MIER3: variants seen among roughly 807,000 people sequenced by gnomAD.
The protein encoded by MIER3 is MIER family member 3, also known as mesoderm induction early response protein 3.
Under a neutral mutation model 63.2 loss-of-function variants are expected in MIER3, and 9 were observed. That is an observed-to-expected ratio of 0.14 (90% CI 0.09 to 0.25). The LOEUF is 0.25. MIER3 is among the 10% of genes least tolerant of loss of function. MIER3 has a pLI of 1.00. For missense variants in MIER3, 512 were observed against 666.2 expected (o/e 0.77, Z 2.55); for synonymous variants, 205 against 224.9 (o/e 0.91, Z 0.79).
At chr5:56,938,520 T>C (rs1436196727) in intron 4 of MIER3, among the ~76,000 whole-genome samples, 1 of 152,194 alleles carries the variant, frequency 6.6e-6, no homozygotes, top group Non-Finnish European at 1.5e-5. Flanking sequence ...CTCCAACCAC[T>C]CCACGCCTAA....
Position 56,923,780 on chromosome 5 carries a change from T to C in MIER3, c.1106A>G (p.Asn369Ser). 1.2e-6 allele frequency: 2 copies of C among 1,614,178 alleles called. No individual in the cohort carries two copies. The highest frequency in any genetic ancestry group is 2.2e-5 in the East Asian group (1 of 44,878). Residue 369 changes from asparagine to serine, a missense_variant, in exon 12 of 13, where the codon AAT becomes AGT. By Grantham distance (46) the Asn-to-Ser change is conservative. Transcript: ENST00000381199. ...CCGGTTAGAAGTTAAGGCTGAAGCA[T>C]TTACCGTCCCACCCAAAGCTTCTGT... ...DETEALGGTV[N>S]ASALTSNRPE...
At chr5:56,938,236 A>T (rs1040659840) in intron 4 of MIER3, 4 of 471,044 alleles carry the variant, frequency 8.5e-6, no homozygotes, top group African/African-American at 8.0e-5. Flanking sequence ...GACTATGGTC[A>T]TTAAGGTCTG....
chr5:56,932,511 C>G (rs2112104938), intron 8 of MIER3, among the ~76,000 whole-genome samples: 1 of 152,174 alleles, frequency 6.6e-6, no homozygotes, highest in East Asian at 1.9e-4. Flanking sequence ...CTTCAGAATT[C>G]AAGTTTGTGT....
Position 56,922,988 on chromosome 5 carries a change from A to C in MIER3, c.*140T>G. The C allele has an allele frequency of 1.5e-6, 1 of 656,120 alleles. No homozygotes were observed. The highest frequency in any genetic ancestry group is 2.0e-5 in the South Asian group (1 of 50,002). 40.6% of individuals were successfully genotyped at this position (656,120 alleles called of 1,614,324 possible). A position where few individuals can be genotyped will look rare whatever the true frequency, so the allele number is the denominator to read the frequency against. On this transcript the variant is annotated 3_prime_UTR_variant, in exon 13 of 13. Coordinates refer to ENST00000381199, the MANE Select transcript of MIER3 (RefSeq NM_001297599.2). ...AAAATGAAAATACTCTTGATAAATC[A>C]AGATATAGTTCTATACATACTGACA...
intron 10 of MIER3, among the ~76,000 whole-genome samples, chr5:56,924,443 TTTCA>T (rs1291230683): frequency 1.1e-4 from 17 of 152,264 alleles, no homozygotes; most frequent in Admixed American, 2.0e-4. Context: ...CATAAATGGA[TTTCA>T]TTGAGATCTA....
chr5:56,928,621 G>A lies in MIER3; in HGVS notation c.924+146C>T, dbSNP rs57383905. On this transcript the variant is annotated intron_variant, in intron 10 of 12. Coordinates refer to ENST00000381199, the MANE Select transcript of MIER3 (RefSeq NM_001297599.2). ...CATAAGCAGGCTGTGGCATCTCTGA[G>A]CAAATTAGTCATGTTAGAATGATAT... is the stretch of plus-strand genomic sequence containing the variant. 30 of 535,526 alleles carry A rather than the reference G, an allele frequency of 5.6e-5. No homozygotes were observed. In the East Asian group the frequency reaches 8.7e-4, roughly 16 times the overall value. The allele number at this position is 535,526 out of a possible 1,614,324, so 33.2% of individuals were successfully genotyped here. A position where few individuals can be genotyped will look rare whatever the true frequency, so the allele number is the denominator to read the frequency against.
In MIER3 at chr5:56,935,457, T is replaced by C; in HGVS notation, c.566A>G (p.Tyr189Cys). The part of the protein sequence containing the change: ...GLQYQAEIPP[Y>C]LGEYDGNEKV... ...CTCATTACCATCGTACTCTCCAAGA[T>C]AAGGGGGAATCTCTGCCTGATATTG... Residue 189 changes from tyrosine to cysteine, a missense_variant, in exon 7 of 13, where the codon TAT becomes TGT. Tyr to Cys is a radical substitution (Grantham distance 194, BLOSUM62 -2). Coordinates refer to ENST00000381199, the MANE Select transcript of MIER3 (RefSeq NM_001297599.2). 4.4e-6 allele frequency: 7 copies of C among 1,596,406 alleles called. No homozygotes were observed. Among genetic ancestry groups the C allele is most frequent in the Non-Finnish European group, 6.0e-6 (7 of 1,175,186 alleles).
intron 2 of MIER3, among the ~76,000 whole-genome samples, chr5:56,949,183 C>T (rs868070327): frequency 1.1e-4 from 16 of 152,192 alleles, no homozygotes; most frequent in Admixed American, 2.0e-4. Context: ...TGGTGAAACC[C>T]CATCTCTACT....
At chr5:56,948,596 G>C (rs1458065951) in intron 2 of MIER3, among the ~76,000 whole-genome samples, 1 of 151,942 alleles carries the variant, frequency 6.6e-6, no homozygotes, top group Non-Finnish European at 1.5e-5. Context: ...TTGAACCTGG[G>C]AGGTCGAGGC....
At chr5:56,939,542 C>A (rs1341757462) in intron 3 of MIER3, among the ~76,000 whole-genome samples, 1 of 152,126 alleles carries the variant, frequency 6.6e-6, no homozygotes, top group African/African-American at 2.4e-5. Flanking sequence ...TATCTTTATA[C>A]CAGTTTTTTT....
rs1749684404 is a variant in MIER3, at chr5:56,921,751, A to G, written c.*1377T>C. ...GTTTTTTGCAAAGCAACTAGTAAAA[A>G]TCAAGAATTTTAATTAAGACGGTGC... On this transcript the variant is annotated 3_prime_UTR_variant, in exon 13 of 13. Transcript: ENST00000381199. 6.6e-6 allele frequency: 1 copy of G among 152,654 alleles called. No homozygotes were observed. Among genetic ancestry groups the G allele is most frequent in the African/African-American group, 2.4e-5 (1 of 41,464 alleles). The allele number at this position is 152,654 out of a possible 1,614,324, so 9.5% of individuals were successfully genotyped here.
At position 56,952,084 on chromosome 5, in the gene MIER3, C is replaced by G; in HGVS notation, c.9+10G>C. ...CAGCCCGGCTGCTCCTGCCCGGTTT[C>G]CCTGCTCACCTCCGCCATATTGGTA... On this transcript the variant is annotated intron_variant, in intron 1 of 12. Coordinates refer to ENST00000381199, the MANE Select transcript of MIER3 (RefSeq NM_001297599.2). 7.7e-7 allele frequency: 1 copy of G among 1,302,894 alleles called. No homozygotes were observed. The highest frequency in any genetic ancestry group is 9.9e-7 in the Non-Finnish European group (1 of 1,008,008). The allele number at this position is 1,302,894 out of a possible 1,614,324, so 80.7% of individuals were successfully genotyped here. A position where few individuals can be genotyped will look rare whatever the true frequency, so the allele number is the denominator to read the frequency against.
intron 2 of MIER3, 50 bp downstream of exon 2, chr5:56,950,578 C>T: frequency 6.3e-7 from 1 of 1,596,102 alleles, no homozygotes; most frequent in South Asian, 1.1e-5. Flanking sequence ...GACCTTTGAG[C>T]CCACATTACC....
chr5:56,923,217 C>G lies in MIER3; in HGVS notation c.1564G>C (p.Ala522Pro), dbSNP rs554057814. 6 of 1,614,066 alleles carry G rather than the reference C, an allele frequency of 3.7e-6. No individual in the cohort carries two copies. Among genetic ancestry groups the G allele is most frequent in the Non-Finnish European group, 5.1e-6 (6 of 1,179,988 alleles). The stretch of plus-strand genomic sequence containing the variant: ...TTGGCAGAGAGACTGCCAAAGTCAG[C>G]CACAGAAACAGCCATTTTGGCACTG... ...ITSAKMAVSV[A>P]DFGSLSANET... The change falls in exon 13 of 13, where the codon GCT becomes CCT. Residue 522 changes from alanine to proline, a missense_variant. Ala to Pro is a conservative substitution (Grantham distance 27). Transcript: ENST00000381199.
At chr5:56,928,544 TC>T in intron 10 of MIER3, 1 of 342,298 alleles carries the variant, frequency 2.9e-6, no homozygotes, top group Non-Finnish European at 5.3e-6. Context: ...GAGTCCACTT[TC>T]TGTGTCAACT....
intron 1 of MIER3, 33 bp from the exon 2 acceptor site, chr5:56,950,685 T>C: frequency 2.5e-6 from 4 of 1,611,852 alleles, no homozygotes; most frequent in East Asian, 2.2e-5. Flanking sequence ...TGAGGTTAGA[T>C]CGCACAGCCA....
At chr5:56,951,512 G>A (rs1378452693) in intron 1 of MIER3, among the ~76,000 whole-genome samples, 1 of 152,158 alleles carries the variant, frequency 6.6e-6, no homozygotes, top group Non-Finnish European at 1.5e-5. Flanking sequence ...CCCGGGCTGC[G>A]GGGTGGGGAG....
rs1435084770 is a variant in MIER3 at position 56,947,181 on chromosome 5, T to G, written c.35-110A>C. 8 of 1,048,628 alleles carry G rather than the reference T, an allele frequency of 7.6e-6. No homozygotes were observed. In the Admixed American group the frequency reaches 1.4e-4, roughly 18 times the overall value. The allele number at this position is 1,048,628 out of a possible 1,614,324, so 65.0% of individuals were successfully genotyped here. On this transcript the variant is annotated intron_variant, in intron 2 of 12. Coordinates refer to ENST00000381199, the MANE Select transcript of MIER3 (RefSeq NM_001297599.2). ...CCTTTTCATGTTTATATGAGGGTTT[T>G]ACTAAATGAATTTACTATATAATTT...
chr5:56,923,850 A>G lies in MIER3; in HGVS notation c.1053-17T>C, dbSNP rs756828913. The G allele has an allele frequency of 6.2e-7, 1 of 1,614,108 alleles. No individual in the cohort carries two copies. The highest frequency in any genetic ancestry group is 1.1e-5 in the South Asian group (1 of 91,086). On this transcript the variant is annotated splice_polypyrimidine_tract_variant and intron_variant, in intron 11 of 12. Transcript: ENST00000381199. ...ATATAGTCCCTGAAAAACACACCCCAGTAATTTTATGACTATATATTACAG... is the reference window on the plus strand; with the variant it reads ...ATATAGTCCCTGAAAAACACACCCCGGTAATTTTATGACTATATATTACAG...
Sources: allele counts gnomAD v4.1 joint callset (sites outside exome capture counted in the v4.1 genomes callset), GRCh38; gene constraint gnomAD v4.1.1; transcripts MANE v1.5; gene names NCBI Gene and HGNC (gene_info 2026-07-23, HGNC 2026-07-21).